Variants in GHR observed in about 807,000 individuals in gnomAD.
GHR encodes the protein growth hormone receptor, also known as GH receptor.
In GHR, 35 loss-of-function variants were observed where a neutral mutation model predicts 67.1. The observed-to-expected ratio is 0.52, with a 90% confidence interval of 0.40 to 0.69. The LOEUF is 0.69. Among genes scored for constraint, GHR ranks in the 30% least tolerant of loss-of-function variants. GHR has a pLI of 0.00. For synonymous variants in GHR, 272 were observed against 269.1 expected (o/e 1.01, Z -0.10); for missense variants, 792 against 764.6 (o/e 1.04, Z -0.42).
intron 2 of GHR, among the ~76,000 whole-genome samples, chr5:42,607,726 AC>A (rs1465690765): frequency 6.6e-6 from 1 of 152,208 alleles, no homozygotes; most frequent in Non-Finnish European, 1.5e-5. Context: ...ATTTGGGAAG[AC>A]AAAACAAAAG....
At chr5:42,585,102 T>A (rs540642958) in intron 2 of GHR, among the ~76,000 whole-genome samples, 1 of 152,354 alleles carries the variant, frequency 6.6e-6, no homozygotes, top group South Asian at 2.1e-4. Flanking sequence ...TTCAGCTGTA[T>A]GAGCTGAACC....
chr5:42,472,461 G>C (rs1458996541), intron 1 of GHR, among the ~76,000 whole-genome samples: 2 of 152,216 alleles, frequency 1.3e-5, no homozygotes, highest in African/African-American at 4.8e-5. Flanking sequence ...AATGTTTTAA[G>C]AGGGATATTG....
chr5:42,596,398 A>C (rs746054689), intron 2 of GHR, among the ~76,000 whole-genome samples: 4 of 152,210 alleles, frequency 2.6e-5, no homozygotes, highest in Non-Finnish European at 5.9e-5. Context: ...AACAGCATTC[A>C]CAGTAGGCTG....
intron 2 of GHR, among the ~76,000 whole-genome samples, chr5:42,618,708 T>G (rs1336230716): frequency 6.6e-6 from 1 of 152,186 alleles, no homozygotes; most frequent in Non-Finnish European, 1.5e-5. Context: ...GGCATTCTGC[T>G]CAGTACTTCA....
chr5:42,504,353 G>A (rs898785805), intron 1 of GHR, among the ~76,000 whole-genome samples: 28 of 152,164 alleles, frequency 1.8e-4, no homozygotes, highest in Non-Finnish European at 3.8e-4. Flanking sequence ...AGCAGGAAAT[G>A]CAGAAGAGTT....
At chr5:42,606,284 C>T (rs780839680) in intron 2 of GHR, among the ~76,000 whole-genome samples, 4 of 152,204 alleles carry the variant, frequency 2.6e-5, no homozygotes, top group Non-Finnish European at 5.9e-5. Context: ...TAATTACCTG[C>T]CCCACTGGCT....
intron 1 of GHR, among the ~76,000 whole-genome samples, chr5:42,456,208 G>C (rs1744252748): frequency 1.3e-5 from 2 of 152,348 alleles, no homozygotes; most frequent in Admixed American, 1.3e-4. Context: ...CTACTCAGGA[G>C]GCTGAGGCAG....
intron 1 of GHR, among the ~76,000 whole-genome samples, chr5:42,507,153 T>C (rs1001797235): frequency 2.0e-5 from 3 of 152,224 alleles, no homozygotes; most frequent in Non-Finnish European, 4.4e-5. Context: ...TAATGACTAG[T>C]TGAATAATTG....
intron 1 of GHR, among the ~76,000 whole-genome samples, chr5:42,425,394 T>C (rs977624091): frequency 6.6e-6 from 1 of 151,918 alleles, no homozygotes; most frequent in East Asian, 1.9e-4. Flanking sequence ...TTGTGGCAGG[T>C]CAGGCTCTGT....
At chr5:42,539,647 T>C (rs894310745) in intron 1 of GHR, among the ~76,000 whole-genome samples, 13 of 152,204 alleles carry the variant, frequency 8.5e-5, no homozygotes, top group African/African-American at 3.1e-4. Context: ...GAAGTCTAGA[T>C]CTATTTTTTG....
intron 1 of GHR, among the ~76,000 whole-genome samples, chr5:42,511,709 T>C (rs994946805): frequency 5.9e-5 from 9 of 152,194 alleles, no homozygotes; most frequent in Non-Finnish European, 1.2e-4. Context: ...TGTGTGTGTT[T>C]GTGTGAAAGA....
chr5:42,605,326 G>A (rs1180533772), intron 2 of GHR, among the ~76,000 whole-genome samples: 3 of 151,756 alleles, frequency 2.0e-5, no homozygotes, highest in African/African-American at 7.3e-5. Flanking sequence ...GGCTGGTGTC[G>A]AGCTCCCGAC....
intron 3 of GHR, among the ~76,000 whole-genome samples, chr5:42,645,283 ATTTG>A (rs758255602): frequency 3.3e-5 from 5 of 152,150 alleles, no homozygotes; most frequent in Admixed American, 6.5e-5. Context: ...GCACGATGGT[ATTTG>A]TTTGTGCACA....
At chr5:42,626,506 T>C (rs1042560633) in intron 2 of GHR, among the ~76,000 whole-genome samples, 1 of 152,318 alleles carries the variant, frequency 6.6e-6, no homozygotes. Context: ...TGTGTTCAGC[T>C]ATCCAGAATC....
intron 3 of GHR, among the ~76,000 whole-genome samples, chr5:42,677,795 G>A (rs1326570191): frequency 1.3e-5 from 2 of 152,092 alleles, no homozygotes; most frequent in African/African-American, 4.8e-5. Context: ...TTCTTCCAGT[G>A]TAGCCCAGGA....
chr5:42,463,606 G>A (rs1266571856), intron 1 of GHR, among the ~76,000 whole-genome samples: 2 of 152,168 alleles, frequency 1.3e-5, no homozygotes, highest in East Asian at 3.9e-4. Context: ...GAGTGGTAGT[G>A]GTTGGACTAT....
At chr5:42,599,940 C>A (rs2112628588) in intron 2 of GHR, among the ~76,000 whole-genome samples, 1 of 152,254 alleles carries the variant, frequency 6.6e-6, no homozygotes, top group East Asian at 1.9e-4. Flanking sequence ...TTCAATAAAC[C>A]AAGGTCATGT....
intron 2 of GHR, among the ~76,000 whole-genome samples, chr5:42,583,047 T>C (rs914586482): frequency 1.3e-5 from 2 of 152,290 alleles, no homozygotes; most frequent in African/African-American, 4.8e-5. Flanking sequence ...AACAAGCCCA[T>C]TGGGCCCGAG....
chr5:42,512,114 C>T (rs1747043749), intron 1 of GHR, among the ~76,000 whole-genome samples: 1 of 152,184 alleles, frequency 6.6e-6, no homozygotes, highest in South Asian at 2.1e-4. Context: ...CATTCCAATA[C>T]TCCACAGTGA....
Sources: allele counts gnomAD v4.1 joint callset (sites outside exome capture counted in the v4.1 genomes callset), GRCh38; gene constraint gnomAD v4.1.1; transcripts MANE v1.5; gene names NCBI Gene and HGNC (gene_info 2026-07-23, HGNC 2026-07-21).